NHSL1: variants seen among roughly 807,000 people sequenced by gnomAD.
NHSL1 encodes the protein NHS-like protein 1.
A neutral mutation model predicts 95.0 loss-of-function variants in NHSL1; 48 were observed. The ratio of observed to expected loss-of-function variants is 0.51; its 90% CI spans 0.40 to 0.64. The LOEUF is 0.64. NHSL1 is among the 30% of genes least tolerant of loss of function. The pLI, the probability that NHSL1 is intolerant of heterozygous loss-of-function variation, is 0.00. For synonymous variants in NHSL1, 783 were observed against 833.9 expected, an observed-to-expected ratio of 0.94 and a Z score of 1.05; for missense variants, 1,971 against 2,077.7, an observed-to-expected ratio of 0.95 and a Z score of 1.00.
intron 2 of NHSL1, among the ~76,000 whole-genome samples, chr6:138,495,228 G>A (rs1394072212): frequency 1.3e-5 from 2 of 152,188 alleles, no homozygotes; most frequent in Non-Finnish European, 1.5e-5. Context: ...GGGTGACAGA[G>A]TGAGACTCCA....
intron 7 of NHSL1, among the ~76,000 whole-genome samples, chr6:138,427,587 AT>A (rs1018460749): frequency 2.6e-5 from 4 of 152,346 alleles, no homozygotes; most frequent in Admixed American, 2.6e-4. Context: ...ACGAATATGT[AT>A]TTTTAATGAA....
chr6:138,562,489 A>G (rs1410799051), intron 1 of NHSL1, among the ~76,000 whole-genome samples: 1 of 152,070 alleles, frequency 6.6e-6, no homozygotes, highest in Admixed American at 6.5e-5. Context: ...TCTACTACAA[A>G]TACAACAACC....
At chr6:138,499,954 T>C (rs1780585317), upstream of NHSL1, among the ~76,000 whole-genome samples, 1 of 152,204 alleles carries the variant, frequency 6.6e-6, no homozygotes, top group South Asian at 2.1e-4. Flanking sequence ...CTGCAAATGA[T>C]GACTTGGTTG....
chr6:138,583,166 C>T (rs996558563), intron 1 of NHSL1, among the ~76,000 whole-genome samples: 1 of 152,134 alleles, frequency 6.6e-6, no homozygotes, highest in Non-Finnish European at 1.5e-5. Context: ...CCAGGTGTCC[C>T]TTCCCCTCCT....
chr6:138,499,356 T>C lies in NHSL1; in HGVS notation c.-66A>G. ...TTAAAAGCTCAGCCCAGTAGGCAGG[T>C]GGCAAGCTTCGTCCTTCTGCTACAG... On this transcript the variant is annotated 5_prime_UTR_variant, in exon 1 of 8. Coordinates refer to ENST00000343505, the MANE Select transcript of NHSL1 (RefSeq NM_001144060.2). The C allele has an allele frequency of 6.5e-7, 1 of 1,539,146 alleles. No homozygotes were observed. Among genetic ancestry groups the C allele is most frequent in the Non-Finnish European group, 8.8e-7 (1 of 1,140,920 alleles).
chr6:138,515,935 G>A (rs773845395), intron 1 of NHSL1, among the ~76,000 whole-genome samples: 1 of 152,198 alleles, frequency 6.6e-6, no homozygotes. Flanking sequence ...GGCGCACGCC[G>A]TCTCTCACAG....
intron 1 of NHSL1, among the ~76,000 whole-genome samples, chr6:138,614,202 T>C (rs770940148): frequency 1.2e-4 from 19 of 152,212 alleles, no homozygotes; most frequent in Non-Finnish European, 2.5e-4. Context: ...AATCTCTTTA[T>C]AAAGAGAGGC....
chr6:138,604,229 T>C (rs1231977624), intron 1 of NHSL1, among the ~76,000 whole-genome samples: 1 of 152,192 alleles, frequency 6.6e-6, no homozygotes, highest in East Asian at 1.9e-4. Context: ...AGAAGTTTGA[T>C]AGGAACCTTG....
At chr6:138,611,671 G>A (rs189638457) in intron 1 of NHSL1, among the ~76,000 whole-genome samples, 66 of 152,036 alleles carry the variant, frequency 4.3e-4, no homozygotes, top group African/African-American at 1.3e-3. Flanking sequence ...GCGTGAACCC[G>A]GGAGGCGGAG....
At chr6:138,477,734 G>A (rs1779164205) in intron 2 of NHSL1, among the ~76,000 whole-genome samples, 1 of 152,158 alleles carries the variant, frequency 6.6e-6, no homozygotes, top group Non-Finnish European at 1.5e-5. Context: ...AAGGAAGACT[G>A]TGTTTCAAAA....
At chr6:138,558,145 T>C (rs189589945) in intron 1 of NHSL1, among the ~76,000 whole-genome samples, 1 of 152,184 alleles carries the variant, frequency 6.6e-6, no homozygotes, top group East Asian at 1.9e-4. Flanking sequence ...TTTTTTGAGA[T>C]GGAGTCTTGT....
At chr6:138,582,239 A>C (rs994956837) in intron 1 of NHSL1, among the ~76,000 whole-genome samples, 1 of 152,150 alleles carries the variant, frequency 6.6e-6, no homozygotes, top group Non-Finnish European at 1.5e-5. Context: ...AATCACTGAG[A>C]ATATGTAAAT....
chr6:138,463,456 C>T (rs928937645), intron 3 of NHSL1, among the ~76,000 whole-genome samples: 3 of 151,606 alleles, frequency 2.0e-5, no homozygotes, highest in Middle Eastern at 3.2e-3. Flanking sequence ...CTATTCTTCT[C>T]GCAGGATAAC....
At chr6:138,478,765 GTTCTCACA>G (rs1779242899) in intron 2 of NHSL1, among the ~76,000 whole-genome samples, 1 of 152,152 alleles carries the variant, frequency 6.6e-6, no homozygotes, top group Non-Finnish European at 1.5e-5. Flanking sequence ...CTGTGTTATT[GTTCTCACA>G]CTACTGCTTG....
chr6:138,564,059 C>A (rs925117462), intron 1 of NHSL1, among the ~76,000 whole-genome samples: 3 of 150,510 alleles, frequency 2.0e-5, no homozygotes, highest in East Asian at 3.8e-4. Flanking sequence ...CAAAACAGCC[C>A]TGATCAAATT....
chr6:138,571,375 C>T (rs1385599806), intron 1 of NHSL1, among the ~76,000 whole-genome samples: 1 of 152,130 alleles, frequency 6.6e-6, no homozygotes, highest in Non-Finnish European at 1.5e-5. Context: ...GCTATAAGGG[C>T]AGAAGATTCT....
intron 1 of NHSL1, among the ~76,000 whole-genome samples, chr6:138,528,493 T>C (rs73557314): frequency 0.14 from 21,310 of 152,178 alleles, 3,289 homozygotes; most frequent in African/African-American, 0.39. Flanking sequence ...TATCTATAAT[T>C]CTTGTTATTT....
chr6:138,622,599 T>C (rs1415779130), intron 1 of NHSL1, among the ~76,000 whole-genome samples: 2 of 152,104 alleles, frequency 1.3e-5, no homozygotes, highest in Admixed American at 6.6e-5. Context: ...GGACCAAAGA[T>C]AAAAATCTGC....
rs1475670155 is a variant in NHSL1, at chr6:138,679,805, A to G, written c.96+12671T>C. ...TATCTACAACATGGGGGAATAGCTC[A>G]TGATATAAGCTACACTTTCAAAATT... On this transcript the variant is annotated intron_variant, in intron 1 of 3. Transcript: ENST00000491526. Among the ~76,000 whole-genome samples, 3 of 152,234 alleles carry G rather than the reference A, an allele frequency of 2.0e-5. No individual in the cohort carries two copies. In the East Asian group the frequency reaches 5.8e-4, roughly 29 times the overall value.
Sources: allele counts gnomAD v4.1 joint callset (sites outside exome capture counted in the v4.1 genomes callset), GRCh38; gene constraint gnomAD v4.1.1; transcripts MANE v1.5; gene names NCBI Gene and HGNC (gene_info 2026-07-23, HGNC 2026-07-21).